The following MAN1C1 variants were observed in gnomAD, a reference collection of about 807,000 sequenced individuals.
MAN1C1 encodes the protein mannosyl-oligosaccharide 1,2-alpha-mannosidase IC.
MAN1C1 carries 49 observed loss-of-function variants against 71.5 expected under a neutral mutation model. That is an observed-to-expected ratio of 0.69 (90% confidence interval 0.54 to 0.87). MAN1C1 has a LOEUF of 0.87. Among genes scored for constraint, MAN1C1 ranks in the 40% least tolerant of loss-of-function variants. The pLI is 0.00. For missense variants in MAN1C1, 743 were observed against 835.0 expected (o/e 0.89, Z 1.36); for synonymous variants, 352 against 343.7 (o/e 1.02, Z -0.27).
intron 2 of MAN1C1, among the ~76,000 whole-genome samples, chr1:25,742,659 T>C (rs1266592294): frequency 2.6e-5 from 4 of 152,150 alleles, no homozygotes; most frequent in African/African-American, 9.7e-5. Context: ...CCAGGAGCCT[T>C]ATGAGGCAGG....
chr1:25,692,463 G>A (rs1049260187), intron 2 of MAN1C1, among the ~76,000 whole-genome samples: 2 of 152,154 alleles, frequency 1.3e-5, no homozygotes, highest in African/African-American at 4.8e-5. Flanking sequence ...CCATGCTCAA[G>A]TGATCCTCTC....
intron 1 of MAN1C1, among the ~76,000 whole-genome samples, chr1:25,636,487 T>C (rs986940639): frequency 3.9e-5 from 6 of 152,228 alleles, no homozygotes; most frequent in Non-Finnish European, 5.9e-5. Flanking sequence ...CACGTCTGTT[T>C]ATAGGCTCTC....
intron 2 of MAN1C1, among the ~76,000 whole-genome samples, chr1:25,720,657 C>T (rs2046750475): frequency 6.6e-6 from 1 of 152,224 alleles, no homozygotes; most frequent in South Asian, 2.1e-4. Flanking sequence ...GAATAGTTTT[C>T]AGCACCAAAG....
At chr1:25,726,055 T>C (rs1289712831) in intron 2 of MAN1C1, among the ~76,000 whole-genome samples, 1 of 152,192 alleles carries the variant, frequency 6.6e-6, no homozygotes. Flanking sequence ...GCCTCTATGA[T>C]GGGGGACTCT....
At chr1:25,767,503 C>CAT (rs2124386291) in intron 7 of MAN1C1, among the ~76,000 whole-genome samples, 1 of 137,516 alleles carries the variant, frequency 7.3e-6, no homozygotes, top group South Asian at 2.4e-4. Context: ...ACACTTCCCT[C>CAT]ACACACACAT....
intron 7 of MAN1C1, among the ~76,000 whole-genome samples, chr1:25,768,256 CCCT>C (rs2047480210): frequency 4.3e-5 from 3 of 69,660 alleles, no homozygotes; most frequent in Non-Finnish European, 9.2e-5. Flanking sequence ...ATCCACACTC[CCCT>C]CACACACATC....
chr1:25,756,141 T>G (rs2047283319), intron 5 of MAN1C1, among the ~76,000 whole-genome samples: 1 of 152,254 alleles, frequency 6.6e-6, no homozygotes, highest in South Asian at 2.1e-4. Flanking sequence ...AACATTTACA[T>G]GTGCATAATT....
intron 1 of MAN1C1, among the ~76,000 whole-genome samples, chr1:25,623,377 T>C (rs74898878): frequency 1.2e-3 from 187 of 152,248 alleles, no homozygotes; most frequent in African/African-American, 4.3e-3. Flanking sequence ...ACTCTGTCTT[T>C]AGTGTCAGGG....
At chr1:25,676,579 C>G (rs1002222605) in intron 1 of MAN1C1, among the ~76,000 whole-genome samples, 6 of 152,206 alleles carry the variant, frequency 3.9e-5, no homozygotes, top group African/African-American at 1.4e-4. Flanking sequence ...GTTCTAAGCT[C>G]TCTGTCTACA....
At chr1:25,664,297 T>A (rs553556957) in intron 1 of MAN1C1, among the ~76,000 whole-genome samples, 2 of 152,200 alleles carry the variant, frequency 1.3e-5, no homozygotes, top group Admixed American at 1.3e-4. Context: ...ATTTTTCATA[T>A]GAGGCATTTG....
chr1:25,742,858 T>TCCCAAAGGAAAGGATC (rs2047080229), intron 2 of MAN1C1, among the ~76,000 whole-genome samples: 1 of 152,120 alleles, frequency 6.6e-6, no homozygotes, highest in Non-Finnish European at 1.5e-5. Flanking sequence ...GTCCGAACCC[T>TCCCAAAGGAAAGGATC]CCCAAAGGAA....
In MAN1C1 at chr1:25,764,107, T is replaced by C; in HGVS notation, c.1141+140T>C. 1 of 677,146 alleles carries C rather than the reference T, an allele frequency of 1.5e-6. No individual in the cohort carries two copies. The allele number at this position is 677,146 out of a possible 1,614,324, so 41.9% of individuals were successfully genotyped here. A position where few individuals can be genotyped will look rare whatever the true frequency, so the allele number is the denominator to read the frequency against. ...CAGCAAGGCATTCGCTCGGTGCTCC[T>C]GGACACCACCTGCCTTCCCATGCAT... On this transcript the variant is annotated intron_variant, in intron 7 of 11. Coordinates refer to ENST00000374332, the MANE Select transcript of MAN1C1 (RefSeq NM_020379.4). The surrounding 1 kb of genome is among the most constrained non-coding windows in gnomAD (Gnocchi z 4.4).
intron 2 of MAN1C1, among the ~76,000 whole-genome samples, chr1:25,694,368 C>T (rs2046344439): frequency 6.6e-6 from 1 of 152,132 alleles, no homozygotes; most frequent in Non-Finnish European, 1.5e-5. Flanking sequence ...ATGAGGAGCC[C>T]CAAATTGGAT....
At chr1:25,684,608 G>T (rs1023896122) in intron 1 of MAN1C1, among the ~76,000 whole-genome samples, 7 of 152,232 alleles carry the variant, frequency 4.6e-5, no homozygotes, top group African/African-American at 1.7e-4. Flanking sequence ...CACCTGTCAG[G>T]TCTTCCTGCC....
intron 2 of MAN1C1, among the ~76,000 whole-genome samples, chr1:25,722,040 G>A (rs182215649): frequency 6.6e-5 from 10 of 152,326 alleles, no homozygotes; most frequent in Non-Finnish European, 1.0e-4. Context: ...ACGCTTAATC[G>A]ATAATTAGGC....
At chr1:25,757,541 C>T (rs2047303626) in intron 5 of MAN1C1, among the ~76,000 whole-genome samples, 1 of 152,178 alleles carries the variant, frequency 6.6e-6, no homozygotes, top group Non-Finnish European at 1.5e-5. Context: ...CCCCATTCTG[C>T]ACCTTCTTTT....
chr1:25,738,535 G>T (rs1388586909), intron 2 of MAN1C1, among the ~76,000 whole-genome samples: 1 of 152,162 alleles, frequency 6.6e-6, no homozygotes, highest in East Asian at 1.9e-4. Context: ...AGATTGAGTG[G>T]GTCAGTAATT....
chr1:25,693,041 G>C (rs1048193593), intron 2 of MAN1C1, among the ~76,000 whole-genome samples: 1 of 152,168 alleles, frequency 6.6e-6, no homozygotes, highest in African/African-American at 2.4e-5. Context: ...TATAACTTTT[G>C]ACTTCCCAGA....
Position 25,618,195 on chromosome 1 carries a change from G to T in MAN1C1, c.398G>T (p.Arg133Met). Reference sequence around the variant, plus strand: ...CGGGGCAATAGCATCCCGGCCTCCAGGCCCGGGGACGAGGGCGTCCCTTTC... The same window carrying T: ...CGGGGCAATAGCATCCCGGCCTCCATGCCCGGGGACGAGGGCGTCCCTTTC... ...AARGNSIPASRPGDEGVPFRF... is the reference protein window; with the variant it reads ...AARGNSIPASMPGDEGVPFRF... Residue 133 changes from arginine to methionine, a missense_variant, in exon 1 of 12, where the codon AGG (arginine) becomes ATG (methionine). Transcript: ENST00000374332. 1 of 1,583,774 alleles carries T rather than the reference G, an allele frequency of 6.3e-7. No individual in the cohort carries two copies. Among genetic ancestry groups the T allele is most frequent in the East Asian group, 2.3e-5 (1 of 43,462 alleles).
Sources: gnomAD v4.1 joint callset for allele counts (sites outside exome capture counted in the v4.1 genomes callset) on GRCh38, gnomAD v4.1.1 for gene constraint, Gnocchi (gnomAD v3.1) non-coding constraint, MANE v1.5 for transcripts, NCBI Gene and HGNC (gene_info 2026-07-23, HGNC 2026-07-21) for gene names.